The following DKK3 variants were observed in gnomAD, a reference collection of about 807,000 sequenced individuals.
DKK3 encodes dickkopf Wnt signaling pathway inhibitor 3, also known as dickkopf-related protein 3.
A neutral mutation model predicts 33.2 loss-of-function variants in DKK3; 22 were observed. That is an observed-to-expected ratio of 0.66 (90% confidence interval 0.47 to 0.95). The LOEUF is 0.95. Among genes scored for constraint, DKK3 ranks in the 40% least tolerant of loss-of-function variants. The pLI is 0.00. For synonymous variants in DKK3, 194 were observed against 188.8 expected (o/e 1.03, Z -0.23); for missense variants, 398 against 458.4 (o/e 0.87, Z 1.20).
intron 3 of DKK3, among the ~76,000 whole-genome samples, chr11:11,981,880 C>T (rs1004084518): frequency 6.6e-6 from 1 of 151,190 alleles, no homozygotes; most frequent in African/African-American, 2.5e-5. Context: ...ATATTATCAT[C>T]CATGGCTAGG....
intron 3 of DKK3, among the ~76,000 whole-genome samples, chr11:11,969,355 G>A (rs1029774691): frequency 1.6e-4 from 24 of 152,162 alleles, no homozygotes; most frequent in African/African-American, 4.3e-4. Context: ...GCCATTGATC[G>A]CCCTTTTGAG....
chr11:11,964,159 G>A lies in DKK3; in HGVS notation c.*305C>T, dbSNP rs1847523028. 2.7e-6 allele frequency: 1 copy of A among 363,800 alleles called. No individual in the cohort carries two copies. The highest frequency in any genetic ancestry group is 5.0e-6 in the Non-Finnish European group (1 of 201,092). 22.5% of individuals were successfully genotyped at this position (363,800 alleles called of 1,614,324 possible). A position where few individuals can be genotyped will look rare whatever the true frequency, so the allele number is the denominator to read the frequency against. Reference sequence around the variant, plus strand: ...CTCCTCCCCTCAAACAATTATCAAAGCCATGTAGAACAAACGGCTGTCTGC... The same window carrying A: ...CTCCTCCCCTCAAACAATTATCAAAACCATGTAGAACAAACGGCTGTCTGC... On this transcript the variant is annotated 3_prime_UTR_variant, in exon 7 of 7. Coordinates refer to ENST00000683431, the MANE Select transcript of DKK3 (RefSeq NM_001018057.2).
chr11:11,989,292 C>G (rs1848138220), intron 3 of DKK3, among the ~76,000 whole-genome samples: 1 of 151,960 alleles, frequency 6.6e-6, no homozygotes, highest in Non-Finnish European at 1.5e-5. Context: ...TTCACAATAG[C>G]CAAAAGGTGG....
At chr11:11,995,711 C>A (rs772034621) in intron 3 of DKK3, among the ~76,000 whole-genome samples, 1 of 152,184 alleles carries the variant, frequency 6.6e-6, no homozygotes, top group Non-Finnish European at 1.5e-5. Context: ...TTCCTCCTCA[C>A]CCCCAGCACA....
chr11:12,002,584 T>C (rs1274783602), intron 1 of DKK3, 147 bp from the exon 2 acceptor site: 1 of 829,482 alleles, frequency 1.2e-6, no homozygotes, highest in Non-Finnish European at 1.8e-6. Context: ...CTCACTATGA[T>C]AAGATATTAT....
intron 2 of DKK3, 43 bp downstream of exon 2, chr11:12,002,257 G>A (rs1261680490): frequency 1.3e-6 from 2 of 1,595,476 alleles, no homozygotes. Flanking sequence ...TCTCTGATGG[G>A]ACTGGACGCT....
intron 3 of DKK3, among the ~76,000 whole-genome samples, chr11:11,993,777 G>T (rs1181660334): frequency 5.3e-5 from 8 of 152,166 alleles, no homozygotes; most frequent in Non-Finnish European, 8.8e-5. Flanking sequence ...TCAGACTATG[G>T]AACTGAACAT....
intron 2 of DKK3, among the ~76,000 whole-genome samples, chr11:11,999,228 G>T (rs760405642): frequency 4.6e-5 from 7 of 152,176 alleles, no homozygotes; most frequent in Non-Finnish European, 1.0e-4. Context: ...TGATTCTAGT[G>T]AATGGCTTCA....
At chr11:11,975,822 C>A (rs1847821323) in intron 3 of DKK3, among the ~76,000 whole-genome samples, 1 of 152,182 alleles carries the variant, frequency 6.6e-6, no homozygotes, top group Non-Finnish European at 1.5e-5. Flanking sequence ...CAAGTCAAGA[C>A]CATATGGCAC....
At chr11:12,009,254 C>A, upstream of DKK3, 3 of 984,748 alleles carry the variant, frequency 3.0e-6, no homozygotes, top group Non-Finnish European at 3.6e-6. Flanking sequence ...GGTGCAGATG[C>A]GGGAGCGGCG....
At chr11:11,974,686 T>C (rs1847795673) in intron 3 of DKK3, among the ~76,000 whole-genome samples, 1 of 152,152 alleles carries the variant, frequency 6.6e-6, no homozygotes. Flanking sequence ...TCTGGAGCAG[T>C]CTCTGACTCT....
chr11:11,990,529 G>A (rs1479719784), intron 3 of DKK3, among the ~76,000 whole-genome samples: 2 of 152,188 alleles, frequency 1.3e-5, no homozygotes, highest in Non-Finnish European at 2.9e-5. Flanking sequence ...TTCCTCTAGG[G>A]ATTGCATGAA....
At chr11:11,987,617 T>C (rs1327944653) in intron 3 of DKK3, among the ~76,000 whole-genome samples, 2 of 151,984 alleles carry the variant, frequency 1.3e-5, no homozygotes, top group Non-Finnish European at 2.9e-5. Flanking sequence ...TGCCCGGAGG[T>C]GGGGTATGGC....
chr11:11,983,943 G>A (rs570795473), intron 3 of DKK3, among the ~76,000 whole-genome samples: 3 of 152,304 alleles, frequency 2.0e-5, no homozygotes, highest in East Asian at 3.9e-4. Context: ...GGCATGATTC[G>A]AGGAACCTCA....
chr11:11,980,197 C>T (rs542752447), intron 3 of DKK3, among the ~76,000 whole-genome samples: 4 of 152,356 alleles, frequency 2.6e-5, no homozygotes, highest in African/African-American at 4.8e-5. Context: ...GGGAGCATCC[C>T]GGATGGGGGT....
chr11:11,988,278 T>G (rs1001634564), intron 3 of DKK3, among the ~76,000 whole-genome samples: 2 of 152,242 alleles, frequency 1.3e-5, no homozygotes, highest in African/African-American at 2.4e-5. Flanking sequence ...ATCCATCATT[T>G]TTCCCATAGT....
intron 3 of DKK3, chr11:11,998,479 A>C (rs3750938): frequency 0.27 from 164,456 of 614,272 alleles, 23,890 homozygotes; most frequent in African/African-American, 0.44. Context: ...AATTTAATTT[A>C]TCTGTTGTTT....
intron 1 of DKK3, among the ~76,000 whole-genome samples, chr11:12,003,175 T>C (rs749109257): frequency 2.0e-5 from 3 of 152,216 alleles, no homozygotes; most frequent in African/African-American, 4.8e-5. Context: ...ACATCCCAAA[T>C]GCACTATTTG....
chr11:12,009,303 C>A (rs1848610310), upstream of DKK3: 1 of 983,270 alleles, frequency 1.0e-6, no homozygotes, highest in South Asian at 4.7e-5. Flanking sequence ...CGGCGGGGTG[C>A]GGCAGCGCCG....
Sources: gnomAD v4.1 joint callset for allele counts (sites outside exome capture counted in the v4.1 genomes callset) on GRCh38, gnomAD v4.1.1 for gene constraint, MANE v1.5 for transcripts, NCBI Gene and HGNC (gene_info 2026-07-23, HGNC 2026-07-21) for gene names.